Variants in KIF6 observed in about 807,000 individuals in gnomAD.
The protein encoded by KIF6 is kinesin family member 6, also known as kinesin-like protein KIF6.
A neutral mutation model predicts 112.7 loss-of-function variants in KIF6; 106 were observed. The ratio of observed to expected loss-of-function variants is 0.94; its 90% CI spans 0.80 to 1.11. KIF6 has a LOEUF of 1.11. KIF6 is among the 50% of genes least tolerant of loss of function. The pLI is 0.00. For synonymous variants in KIF6, 339 were observed against 339.9 expected (o/e 1.00, Z 0.03); for missense variants, 929 against 964.0 (o/e 0.96, Z 0.48).
intron 16 of KIF6, among the ~76,000 whole-genome samples, chr6:39,377,367 C>A (rs923818436): frequency 6.6e-6 from 1 of 151,288 alleles, no homozygotes; most frequent in Non-Finnish European, 1.5e-5. Context: ...CCCATCCCCC[C>A]CCAACCCCGG....
At chr6:39,478,175 G>A (rs1484762735) in intron 13 of KIF6, among the ~76,000 whole-genome samples, 1 of 151,938 alleles carries the variant, frequency 6.6e-6, no homozygotes, top group Non-Finnish European at 1.5e-5. Context: ...TCAATTTGTA[G>A]TATTTTATCT....
intron 19 of KIF6, among the ~76,000 whole-genome samples, chr6:39,353,470 A>G (rs550239382): frequency 6.6e-6 from 1 of 152,356 alleles, no homozygotes; most frequent in East Asian, 1.9e-4. Context: ...TACTTCAGAT[A>G]CAAGTCCTTT....
At chr6:39,379,292 T>C (rs1374442821) in intron 16 of KIF6, among the ~76,000 whole-genome samples, 1 of 152,240 alleles carries the variant, frequency 6.6e-6, no homozygotes, top group African/African-American at 2.4e-5. Flanking sequence ...TGCCTTCTAC[T>C]TCTTTTAAAT....
intron 13 of KIF6, among the ~76,000 whole-genome samples, chr6:39,433,514 T>C (rs541277920): frequency 1.3e-5 from 2 of 152,274 alleles, no homozygotes; most frequent in Middle Eastern, 3.4e-3. Context: ...CACTTAGGGG[T>C]CCTGAAGTGC....
chr6:39,462,047 T>C (rs1773512654), intron 13 of KIF6, among the ~76,000 whole-genome samples: 1 of 152,192 alleles, frequency 6.6e-6, no homozygotes, highest in South Asian at 2.1e-4. Flanking sequence ...AAGTATTCAA[T>C]AGTCACATGC....
At chr6:39,454,072 A>T (rs1054028671) in intron 13 of KIF6, among the ~76,000 whole-genome samples, 2 of 152,252 alleles carry the variant, frequency 1.3e-5, no homozygotes, top group African/African-American at 4.8e-5. Context: ...AATACAGTAG[A>T]TAGAAAAGAA....
intron 13 of KIF6, among the ~76,000 whole-genome samples, chr6:39,528,847 T>C (rs901566633): frequency 1.3e-5 from 2 of 152,208 alleles, no homozygotes; most frequent in African/African-American, 4.8e-5. Context: ...TCCAAAATCA[T>C]TTTTCATTGC....
At chr6:39,572,155 A>T (rs1226802307) in intron 10 of KIF6, among the ~76,000 whole-genome samples, 1 of 152,210 alleles carries the variant, frequency 6.6e-6, no homozygotes, top group African/African-American at 2.4e-5. Flanking sequence ...TACACATAAG[A>T]AACCTTAAGT....
chr6:39,617,536 A>G (rs564395700), intron 5 of KIF6, among the ~76,000 whole-genome samples: 2 of 152,250 alleles, frequency 1.3e-5, no homozygotes, highest in East Asian at 1.9e-4. Flanking sequence ...AATGTCCCCT[A>G]TGATGGTATA....
At chr6:39,480,126 TC>T (rs1341774592) in intron 13 of KIF6, among the ~76,000 whole-genome samples, 1 of 152,212 alleles carries the variant, frequency 6.6e-6, no homozygotes, top group Non-Finnish European at 1.5e-5. Flanking sequence ...CTTGTCTTGT[TC>T]CAGTTCTCAG....
At chr6:39,521,941 C>A (rs1259602230) in intron 13 of KIF6, among the ~76,000 whole-genome samples, 1 of 152,302 alleles carries the variant, frequency 6.6e-6, no homozygotes, top group African/African-American at 2.4e-5. Context: ...ATATATTATT[C>A]TCTGCTTCCT....
At chr6:39,448,080 C>T (rs1445556511) in intron 13 of KIF6, among the ~76,000 whole-genome samples, 4 of 152,282 alleles carry the variant, frequency 2.6e-5, no homozygotes, top group Middle Eastern at 3.4e-3. Flanking sequence ...TGGGGGTCAT[C>T]GCAGATATAA....
At chr6:39,527,618 A>G (rs932827913) in intron 13 of KIF6, among the ~76,000 whole-genome samples, 1 of 152,214 alleles carries the variant, frequency 6.6e-6, no homozygotes, top group Non-Finnish European at 1.5e-5. Context: ...ATGAAAGCAT[A>G]CAAAGTTAAA....
intron 13 of KIF6, among the ~76,000 whole-genome samples, chr6:39,520,139 C>G (rs1777306934): frequency 6.6e-6 from 1 of 152,122 alleles, no homozygotes; most frequent in Non-Finnish European, 1.5e-5. Context: ...TTCTTATATA[C>G]TAGCTATGAA....
chr6:39,591,603 A>G (rs928418847), intron 7 of KIF6, among the ~76,000 whole-genome samples: 9 of 152,154 alleles, frequency 5.9e-5, no homozygotes, highest in Non-Finnish European at 1.0e-4. Context: ...TTAGAAGAGG[A>G]CCGTGAGAAG....
intron 5 of KIF6, among the ~76,000 whole-genome samples, chr6:39,625,721 A>G (rs1023340621): frequency 6.6e-6 from 1 of 152,162 alleles, no homozygotes; most frequent in Non-Finnish European, 1.5e-5. Flanking sequence ...TGCCTCATCT[A>G]AAAGCACTAA....
chr6:39,537,615 C>A (rs898707625), intron 13 of KIF6, among the ~76,000 whole-genome samples: 5 of 151,960 alleles, frequency 3.3e-5, no homozygotes, highest in Non-Finnish European at 5.9e-5. Context: ...TAGGAAGAAT[C>A]AATATCATGA....
chr6:39,480,848 G>A (rs1182939744), intron 13 of KIF6, among the ~76,000 whole-genome samples: 1 of 152,104 alleles, frequency 6.6e-6, no homozygotes, highest in Non-Finnish European at 1.5e-5. Flanking sequence ...GTGCATAAAG[G>A]TGTTCATGGG....
chr6:39,358,501 G>T (rs1462800309), intron 18 of KIF6, among the ~76,000 whole-genome samples: 1 of 152,194 alleles, frequency 6.6e-6, no homozygotes, highest in Admixed American at 6.5e-5. Flanking sequence ...TCTGGCTTTC[G>T]CTGTCTCTGT....
Sources: gnomAD v4.1 joint callset for allele counts (sites outside exome capture counted in the v4.1 genomes callset) on GRCh38, gnomAD v4.1.1 for gene constraint, MANE v1.5 for transcripts, NCBI Gene and HGNC (gene_info 2026-07-23, HGNC 2026-07-21) for gene names.